Variants in MYO1D observed in about 807,000 individuals in gnomAD.
MYO1D encodes the protein unconventional myosin-Id.
MYO1D carries 83 observed loss-of-function variants against 122.0 expected under a neutral mutation model. The observed-to-expected ratio is 0.68, with a 90% confidence interval of 0.57 to 0.82. The LOEUF is 0.82. Ranked by LOEUF, MYO1D falls within the 40% of genes least tolerant of loss-of-function variation. MYO1D has a pLI of 0.00. For missense variants in MYO1D, 1,157 were observed against 1,269.5 expected, an observed-to-expected ratio of 0.91 and a Z score of 1.35; for synonymous variants, 464 against 446.9, an observed-to-expected ratio of 1.04 and a Z score of -0.48.
rs189586402 is a variant in MYO1D, at chr17:32,875,722, G to T, written c.95+1056C>A. ...ACCCCTGTCAACTGGATTGACAGGG[G>T]TAGTTAATAATGAAATTAGGGTTAA... On this transcript the variant is annotated intron_variant, in intron 1 of 21. Transcript: ENST00000318217. Among the ~76,000 whole-genome samples the T allele has an allele frequency of 3.2e-4, 48 of 152,270 alleles. 1 individual carries two copies. The highest frequency in any genetic ancestry group is 6.8e-3 in the Middle Eastern group (2 of 294).
At chr17:32,723,320 C>T (rs2089533966) in intron 14 of MYO1D, among the ~76,000 whole-genome samples, 1 of 152,118 alleles carries the variant, frequency 6.6e-6, no homozygotes, top group African/African-American at 2.4e-5. Context: ...GGACCCTGTC[C>T]TTTAATTTTT....
intron 1 of MYO1D, among the ~76,000 whole-genome samples, chr17:32,802,934 G>C (rs1329243514): frequency 6.6e-6 from 1 of 152,076 alleles, no homozygotes; most frequent in African/African-American, 2.4e-5. Context: ...TTTAGATTTG[G>C]TGGCCAAATC....
chr17:32,538,280 ATCTT>A (rs1419774853), intron 21 of MYO1D, among the ~76,000 whole-genome samples: 1 of 46,150 alleles, frequency 2.2e-5, no homozygotes, highest in Non-Finnish European at 4.3e-5. Context: ...AAAATAAATC[ATCTT>A]TTTTTTTTTT....
intron 21 of MYO1D, among the ~76,000 whole-genome samples, chr17:32,522,689 C>T (rs749676340): frequency 2.6e-5 from 4 of 152,072 alleles, no homozygotes; most frequent in African/African-American, 9.7e-5. Context: ...CACGGAAAAA[C>T]GAGTGGGGTA....
intron 1 of MYO1D, among the ~76,000 whole-genome samples, chr17:32,798,501 C>T (rs1224465189): frequency 6.6e-6 from 1 of 152,168 alleles, no homozygotes; most frequent in Non-Finnish European, 1.5e-5. Context: ...GAGGCTCAAT[C>T]ACTGCTTCAA....
chr17:32,641,972 T>C (rs1233505443), intron 19 of MYO1D, among the ~76,000 whole-genome samples: 1 of 152,242 alleles, frequency 6.6e-6, no homozygotes, highest in African/African-American at 2.4e-5. Flanking sequence ...TTTGTTGCCA[T>C]TGCTTTTGGT....
chr17:32,827,593 A>C (rs2090734083), intron 1 of MYO1D, among the ~76,000 whole-genome samples: 1 of 152,260 alleles, frequency 6.6e-6, no homozygotes, highest in South Asian at 2.1e-4. Context: ...ACAATAAAAA[A>C]ATTAATAAGC....
intron 16 of MYO1D, among the ~76,000 whole-genome samples, chr17:32,664,239 T>C (rs1032815816): frequency 6.6e-6 from 1 of 152,218 alleles, no homozygotes; most frequent in African/African-American, 2.4e-5. Context: ...TTTGTGTGTA[T>C]GTGTGGCAGG....
At chr17:32,566,851 A>ATTTTTTTTTTTTTTTTTGTTT in intron 21 of MYO1D, among the ~76,000 whole-genome samples, 1 of 59,804 alleles carries the variant, frequency 1.7e-5, no homozygotes, top group Non-Finnish European at 3.4e-5. Flanking sequence ...TTTTAACCAA[A>ATTTTTTTTTTTTTTTTTGTTT]TCAGGCAGGC....
chr17:32,514,684 C>T lies in MYO1D; in HGVS notation c.2865-19769G>A, dbSNP rs192103459. ...GAATCACGATGAGGGGCTGTTAGTA[C>T]ATCACATTGCTTGCTGAGCTTGAAA... is the stretch of plus-strand genomic sequence containing the variant. On this transcript the variant is annotated intron_variant, in intron 21 of 21. Transcript: ENST00000318217. Among the ~76,000 whole-genome samples, 176 of 152,304 alleles carry T rather than the reference C, an allele frequency of 1.2e-3. 1 individual carries two copies. Among genetic ancestry groups the T allele is most frequent in the Non-Finnish European group, 1.9e-3 (128 of 68,016 alleles).
At chr17:32,619,135 T>C (rs138474160) in intron 20 of MYO1D, among the ~76,000 whole-genome samples, 3 of 152,276 alleles carry the variant, frequency 2.0e-5, no homozygotes, top group African/African-American at 4.8e-5. Context: ...TCTGAGGACA[T>C]AGCTCAAGAA....
intron 20 of MYO1D, among the ~76,000 whole-genome samples, chr17:32,629,159 T>G (rs1382107916): frequency 7.6e-6 from 1 of 131,894 alleles, no homozygotes; most frequent in East Asian, 2.2e-4. Flanking sequence ...TTATATGACA[T>G]TCTAGAAAAG....
chr17:32,824,432 A>C (rs1396836769), intron 1 of MYO1D, among the ~76,000 whole-genome samples: 3 of 152,230 alleles, frequency 2.0e-5, no homozygotes, highest in Non-Finnish European at 4.4e-5. Context: ...AGCATAGCAT[A>C]ATGGGTCAGC....
intron 18 of MYO1D, 76 bp from the exon 19 acceptor site, chr17:32,654,023 C>A: frequency 9.0e-7 from 1 of 1,110,072 alleles, no homozygotes; most frequent in Non-Finnish European, 1.3e-6. Context: ...CAGTGTACTG[C>A]TTTATAACTA....
At chr17:32,693,762 G>T (rs542508207) in intron 16 of MYO1D, among the ~76,000 whole-genome samples, 1 of 152,264 alleles carries the variant, frequency 6.6e-6, no homozygotes, top group Admixed American at 6.5e-5. Context: ...CTTATTGGCA[G>T]TGTCTGAGAG....
chr17:32,863,695 TCA>T (rs1273902700), intron 1 of MYO1D, among the ~76,000 whole-genome samples: 1 of 152,196 alleles, frequency 6.6e-6, no homozygotes, highest in Non-Finnish European at 1.5e-5. Flanking sequence ...AAGAATTAAA[TCA>T]CATTCTTTAT....
At chr17:32,671,624 G>A (rs6505308) in intron 16 of MYO1D, among the ~76,000 whole-genome samples, 6,082 of 152,074 alleles carry the variant, frequency 0.04, 378 homozygotes, top group African/African-American at 0.13. Context: ...TTAAAAATTT[G>A]AATTTTCTTC....
At chr17:32,639,680 G>A (rs575425749) in intron 19 of MYO1D, among the ~76,000 whole-genome samples, 5 of 152,118 alleles carry the variant, frequency 3.3e-5, no homozygotes, top group South Asian at 2.1e-4. Flanking sequence ...GCCAGCATGC[G>A]CCACCATGTC....
intron 16 of MYO1D, among the ~76,000 whole-genome samples, chr17:32,708,953 A>G (rs939013503): frequency 2.6e-5 from 4 of 152,176 alleles, no homozygotes; most frequent in Non-Finnish European, 4.4e-5. Context: ...GTCAGAGAGA[A>G]CCAGGAAAGG....
Sources: gnomAD v4.1 joint callset for allele counts (sites outside exome capture counted in the v4.1 genomes callset) on GRCh38, gnomAD v4.1.1 for gene constraint, MANE v1.5 for transcripts, NCBI Gene and HGNC (gene_info 2026-07-23, HGNC 2026-07-21) for gene names.